The following DNAH11 variants were observed in gnomAD, a reference collection of about 807,000 sequenced individuals.
DNAH11 encodes the protein axonemal beta dynein heavy chain 11.
DNAH11 carries 442 observed loss-of-function variants against 526.0 expected under a neutral mutation model. The ratio of observed to expected loss-of-function variants is 0.84; its 90% CI spans 0.78 to 0.91. DNAH11 has a LOEUF of 0.91. Among genes scored for constraint, DNAH11 ranks in the 40% least tolerant of loss-of-function variants. DNAH11 has a pLI of 0.00. For synonymous variants in DNAH11, 2,461 were observed against 1,935.9 expected, an observed-to-expected ratio of 1.27 and a Z score of -7.12; for missense variants, 6,989 against 5,448.7, an observed-to-expected ratio of 1.28 and a Z score of -8.90.
At chr7:21,883,562 A>G (rs547326910) in intron 75 of DNAH11, among the ~76,000 whole-genome samples, 1 of 152,186 alleles carries the variant, frequency 6.6e-6, no homozygotes, top group African/African-American at 2.4e-5. Flanking sequence ...CCCAAATTCA[A>G]ATTGTGTGGA....
At chr7:21,642,473 A>G (rs1787174061) in intron 28 of DNAH11, among the ~76,000 whole-genome samples, 1 of 152,150 alleles carries the variant, frequency 6.6e-6, no homozygotes, top group Admixed American at 6.6e-5. Context: ...TGATCTTGCC[A>G]CACTCTCTTA....
chr7:21,789,820 C>CTTTTTCTTTCTTTCTTT (rs1243823071), intron 61 of DNAH11, among the ~76,000 whole-genome samples: 3 of 85,928 alleles, frequency 3.5e-5, no homozygotes, highest in African/African-American at 1.2e-4. Flanking sequence ...TTCTTTCTTT[C>CTTTTTCTTTCTTTCTTT]TTTCTTTCTT....
At chr7:21,764,862 T>C (rs1348681765) in intron 54 of DNAH11, among the ~76,000 whole-genome samples, 2 of 152,226 alleles carry the variant, frequency 1.3e-5, no homozygotes, top group African/African-American at 4.8e-5. Flanking sequence ...ATGTTTAAAC[T>C]GATTTTTTTT....
chr7:21,843,536 A>G (rs1782297881), intron 66 of DNAH11, among the ~76,000 whole-genome samples: 1 of 147,264 alleles, frequency 6.8e-6, no homozygotes, highest in Admixed American at 6.8e-5. Flanking sequence ...GCTGGAGTGC[A>G]GTGGCATGGT....
chr7:21,571,771 G>A (rs534241702), intron 7 of DNAH11, 35 bp from the exon 8 acceptor site: 7 of 1,540,234 alleles, frequency 4.5e-6, no homozygotes, highest in Admixed American at 4.0e-5. Context: ...GCTGCTCAAT[G>A]TAGTGGAAAG....
At chr7:21,818,421 G>C (rs1433376690) in intron 65 of DNAH11, 82 bp downstream of exon 65, 10 of 1,490,432 alleles carry the variant, frequency 6.7e-6, no homozygotes, top group Non-Finnish European at 9.1e-6. Context: ...TAGTCAAGCA[G>C]TCTATTGAAA....
At chr7:21,708,764 CA>C (rs1562501451) in intron 40 of DNAH11, among the ~76,000 whole-genome samples, 1 of 152,196 alleles carries the variant, frequency 6.6e-6, no homozygotes. Context: ...CCGTCGGCAA[CA>C]CTCTTCTGGA....
At chr7:21,894,418 A>C (rs185192119) in intron 77 of DNAH11, among the ~76,000 whole-genome samples, 1 of 152,352 alleles carries the variant, frequency 6.6e-6, no homozygotes, top group South Asian at 2.1e-4. Context: ...GCACTGGTAC[A>C]GAGGCACCAA....
intron 61 of DNAH11, among the ~76,000 whole-genome samples, chr7:21,794,954 C>T (rs1001048504): frequency 2.0e-5 from 3 of 151,992 alleles, no homozygotes; most frequent in Non-Finnish European, 4.4e-5. Context: ...CAAATAGGGA[C>T]GTTCTTTCTT....
At chr7:21,849,600 G>A (rs544409290) in intron 66 of DNAH11, among the ~76,000 whole-genome samples, 50 of 152,136 alleles carry the variant, frequency 3.3e-4, no homozygotes, top group Non-Finnish European at 5.7e-4. Flanking sequence ...ATTATTTGTT[G>A]ATTGTTTTTT....
chr7:21,870,492 CT>C (rs1483017150), intron 73 of DNAH11, among the ~76,000 whole-genome samples: 1 of 151,668 alleles, frequency 6.6e-6, no homozygotes, highest in African/African-American at 2.4e-5. Context: ...GGAGGGTTCG[CT>C]TTTTCAGAGA....
At chr7:21,699,814 A>G (rs2128477542) in intron 36 of DNAH11, among the ~76,000 whole-genome samples, 1 of 152,210 alleles carries the variant, frequency 6.6e-6, no homozygotes, top group Non-Finnish European at 1.5e-5. Flanking sequence ...ATATTTAAAC[A>G]TTTAATGAGC....
chr7:21,805,321 G>C (rs888411638), intron 62 of DNAH11, among the ~76,000 whole-genome samples: 1 of 152,040 alleles, frequency 6.6e-6, no homozygotes, highest in Admixed American at 6.6e-5. Flanking sequence ...TGAAATATGA[G>C]CTTCGCAAGA....
At chr7:21,697,449 A>T (rs1783903242) in intron 35 of DNAH11, among the ~76,000 whole-genome samples, 4 of 152,178 alleles carry the variant, frequency 2.6e-5, no homozygotes, top group African/African-American at 9.6e-5. Flanking sequence ...CTTTAGTTTA[A>T]TGAAAACTAA....
chr7:21,884,408 C>A lies in DNAH11; in HGVS notation c.12505C>A (p.Leu4169Met), dbSNP rs764262245. ...VYLEEFMNPS[L>M]TEDELMLAPG... ...TTTAGAAGAATTCATGAATCCATCT[C>A]TGGTAAGACATTTGTAAATTAATTT... The change falls in exon 76 of 82, where the codon CTG becomes ATG. Residue 4169 changes from leucine to methionine, a missense_variant and splice_region_variant. Physicochemically the swap from Leu to Met is conservative, Grantham distance 15. Transcript: ENST00000409508. The A allele has an allele frequency of 6.3e-7, 1 of 1,597,174 alleles. No individual in the cohort carries two copies. Among genetic ancestry groups the A allele is most frequent in the Non-Finnish European group, 8.5e-7 (1 of 1,173,744 alleles).
chr7:21,550,632 G>A (rs999210276), intron 2 of DNAH11, among the ~76,000 whole-genome samples: 1 of 152,100 alleles, frequency 6.6e-6, no homozygotes, highest in African/African-American at 2.4e-5. Context: ...CAGAGGAAGG[G>A]GGATGCCAAG....
intron 8 of DNAH11, among the ~76,000 whole-genome samples, chr7:21,572,301 A>G (rs1783924145): frequency 6.6e-6 from 1 of 152,100 alleles, no homozygotes; most frequent in Non-Finnish European, 1.5e-5. Context: ...TTATTTTAGC[A>G]TTTTCTTGAA....
chr7:21,640,940 C>G (rs998624588), intron 28 of DNAH11, among the ~76,000 whole-genome samples: 1 of 152,144 alleles, frequency 6.6e-6, no homozygotes, highest in Admixed American at 6.5e-5. Flanking sequence ...TCCTGCTTCC[C>G]TCACCAGTGG....
intron 67 of DNAH11, 126 bp downstream of exon 67, chr7:21,852,757 A>C: frequency 1.0e-6 from 1 of 993,192 alleles, no homozygotes; most frequent in Non-Finnish European, 1.4e-6. Flanking sequence ...CAGGTGATTT[A>C]ATAAGCTGCA....
Sources: allele counts gnomAD v4.1 joint callset (sites outside exome capture counted in the v4.1 genomes callset), GRCh38; gene constraint gnomAD v4.1.1; transcripts MANE v1.5; gene names NCBI Gene and HGNC (gene_info 2026-07-23, HGNC 2026-07-21).